Variants in PLCE1 observed in about 807,000 individuals in gnomAD.
PLCE1 encodes the protein 1-phosphatidylinositol 4,5-bisphosphate phosphodiesterase epsilon-1.
Under a neutral mutation model 242.8 loss-of-function variants are expected in PLCE1, and 119 were observed. That is an observed-to-expected ratio of 0.49 (90% CI 0.42 to 0.57). PLCE1 has a LOEUF of 0.57. Among genes scored for constraint, PLCE1 ranks in the 20% least tolerant of loss-of-function variants. The pLI, the probability that PLCE1 is intolerant of heterozygous loss-of-function variation, is 0.00. For missense variants in PLCE1, 2,441 were observed against 2,788.8 expected (o/e 0.88, Z 2.81); for synonymous variants, 945 against 1,017.4 (o/e 0.93, Z 1.35).
At chr10:94,095,787 C>G (rs1473225967) in intron 2 of PLCE1, among the ~76,000 whole-genome samples, 1 of 152,142 alleles carries the variant, frequency 6.6e-6, no homozygotes, top group African/African-American at 2.4e-5. Flanking sequence ...GAGGACCAGG[C>G]CTGATTTTAT....
At chr10:94,011,322 A>C (rs2061162178) in intron 1 of PLCE1, among the ~76,000 whole-genome samples, 1 of 152,156 alleles carries the variant, frequency 6.6e-6, no homozygotes, top group Non-Finnish European at 1.5e-5. Flanking sequence ...AGAACTCATC[A>C]CCATCACTAA....
intron 20 of PLCE1, among the ~76,000 whole-genome samples, chr10:94,281,774 C>T (rs914309819): frequency 6.6e-6 from 1 of 152,096 alleles, no homozygotes; most frequent in African/African-American, 2.4e-5. Context: ...ATTGAAAGAT[C>T]GCTCTGACTG....
chr10:94,193,568 GTTC>G (rs1357154209), intron 4 of PLCE1, among the ~76,000 whole-genome samples: 1 of 152,178 alleles, frequency 6.6e-6, no homozygotes, highest in Non-Finnish European at 1.5e-5. Context: ...TTTTCTGAAT[GTTC>G]TTGTTTATAC....
At chr10:94,061,991 G>T (rs963987985) in intron 2 of PLCE1, among the ~76,000 whole-genome samples, 1 of 152,212 alleles carries the variant, frequency 6.6e-6, no homozygotes, top group South Asian at 2.1e-4. Context: ...TGACCTTTGT[G>T]TCTCAGTTTC....
intron 24 of PLCE1, among the ~76,000 whole-genome samples, chr10:94,304,003 CA>C (rs2053123032): frequency 2.6e-5 from 4 of 151,468 alleles, no homozygotes; most frequent in Admixed American, 2.0e-4. Flanking sequence ...TCTAGGCTCC[CA>C]GGGGAAAAAA....
chr10:94,026,404 A>G (rs2061453764), intron 1 of PLCE1, among the ~76,000 whole-genome samples: 1 of 152,142 alleles, frequency 6.6e-6, no homozygotes, highest in Non-Finnish European at 1.5e-5. Flanking sequence ...CCAGGCTGGC[A>G]CTTATCCAAT....
intron 7 of PLCE1, among the ~76,000 whole-genome samples, chr10:94,244,463 G>A (rs1483830547): frequency 6.6e-6 from 1 of 152,178 alleles, no homozygotes; most frequent in Non-Finnish European, 1.5e-5. Flanking sequence ...TGCCAAGGTG[G>A]CCATGTAAGA....
At chr10:94,080,955 A>G (rs2044637206) in intron 2 of PLCE1, among the ~76,000 whole-genome samples, 1 of 152,206 alleles carries the variant, frequency 6.6e-6, no homozygotes, top group Non-Finnish European at 1.5e-5. Context: ...CTCTCCCCTC[A>G]GAGCTAACCA....
chr10:94,306,232 A>C lies in PLCE1; in HGVS notation c.5623-195A>C, dbSNP rs2053198725. Among the ~76,000 whole-genome samples the C allele has an allele frequency of 6.6e-6, 1 of 152,168 alleles. No individual in the cohort carries two copies. Among genetic ancestry groups the C allele is most frequent in the African/African-American group, 2.4e-5 (1 of 41,428 alleles). On this transcript the variant is annotated intron_variant, in intron 25 of 32. Coordinates refer to ENST00000371380, the MANE Select transcript of PLCE1 (RefSeq NM_016341.4). This position sits in a 1 kb window ranked among gnomAD's most constrained non-coding sequence, Gnocchi z 5.7. ...TGATCTGCTCACCTCAGCCTCCCAA[A>C]GTGCTGGGATTACAGGCATAAGCCA... is the stretch of plus-strand genomic sequence containing the variant.
chr10:94,049,702 A>T (rs911705069), intron 2 of PLCE1, among the ~76,000 whole-genome samples: 2 of 152,176 alleles, frequency 1.3e-5, no homozygotes, highest in Non-Finnish European at 2.9e-5. Context: ...CAAAGTAAAC[A>T]CAGATTTAGC....
intron 2 of PLCE1, among the ~76,000 whole-genome samples, chr10:94,120,438 C>T (rs1184098697): frequency 6.6e-6 from 1 of 152,144 alleles, no homozygotes; most frequent in East Asian, 1.9e-4. Context: ...GGTCCTGTCT[C>T]TGAGAGTAAG....
chr10:94,083,340 T>C (rs969307605), intron 2 of PLCE1, among the ~76,000 whole-genome samples: 1 of 152,224 alleles, frequency 6.6e-6, no homozygotes, highest in African/African-American at 2.4e-5. Context: ...CAATAATTAA[T>C]CTGTATTCTG....
intron 22 of PLCE1, among the ~76,000 whole-genome samples, chr10:94,291,378 T>C (rs376564989): frequency 4.4e-4 from 67 of 152,322 alleles, no homozygotes; most frequent in African/African-American, 1.6e-3. Context: ...CCAACATCTA[T>C]ATCTAAAATA....
chr10:94,183,331 G>A (rs188450734), intron 4 of PLCE1, among the ~76,000 whole-genome samples: 50 of 152,262 alleles, frequency 3.3e-4, no homozygotes, highest in African/African-American at 1.1e-3. Context: ...TGTACTAAAT[G>A]CTGTTTTGTG....
intron 2 of PLCE1, among the ~76,000 whole-genome samples, chr10:94,039,984 A>T (rs1159721875): frequency 1.3e-5 from 2 of 152,254 alleles, no homozygotes; most frequent in Non-Finnish European, 2.9e-5. Flanking sequence ...GTATAGATAT[A>T]TGAATGAAGA....
intron 3 of PLCE1, among the ~76,000 whole-genome samples, chr10:94,158,498 T>A (rs2047501312): frequency 6.6e-6 from 1 of 152,140 alleles, no homozygotes; most frequent in Non-Finnish European, 1.5e-5. Flanking sequence ...GATGAGAAAA[T>A]GCTGCTCCCT....
chr10:94,308,885 A>G lies in PLCE1; in HGVS notation c.6003+186A>G, dbSNP rs55712630. ...CGTATATACTAACTCAGTCCTCTCAATAACGTCAGGCAGTAGCTATTTAGT... is the reference window on the plus strand; with the variant it reads ...CGTATATACTAACTCAGTCCTCTCAGTAACGTCAGGCAGTAGCTATTTAGT... On this transcript the variant is annotated intron_variant, in intron 27 of 32. Coordinates refer to ENST00000371380, the MANE Select transcript of PLCE1 (RefSeq NM_016341.4). Among the ~76,000 whole-genome samples, 1,064 of 152,302 alleles carry G rather than the reference A, an allele frequency of 7.0e-3. 17 individuals are homozygous for G. Among genetic ancestry groups the G allele is most frequent in the African/African-American group, 0.025 (1,026 of 41,544 alleles).
intron 3 of PLCE1, among the ~76,000 whole-genome samples, chr10:94,157,118 A>G (rs558560597): frequency 1.8e-4 from 28 of 152,258 alleles, no homozygotes; most frequent in East Asian, 1.5e-3. Context: ...ATCTTAAAAA[A>G]TATTTTCTTT....
At chr10:94,169,654 A>G (rs2047911221) in intron 3 of PLCE1, among the ~76,000 whole-genome samples, 1 of 152,238 alleles carries the variant, frequency 6.6e-6, no homozygotes, top group African/African-American at 2.4e-5. Flanking sequence ...AAAAGAGGAT[A>G]GTGAGTTGTT....
Sources: allele counts gnomAD v4.1 joint callset (sites outside exome capture counted in the v4.1 genomes callset), GRCh38; gene constraint gnomAD v4.1.1; non-coding constraint Gnocchi (gnomAD v3.1); transcripts MANE v1.5; gene names NCBI Gene and HGNC (gene_info 2026-07-23, HGNC 2026-07-21).